Variants in TAF1C observed in about 807,000 individuals in gnomAD.
The protein encoded by TAF1C is TATA-box binding protein associated factor, RNA polymerase I subunit C, also known as TATA box-binding protein-associated factor RNA polymerase I subunit C.
Under a neutral mutation model 70.5 loss-of-function variants are expected in TAF1C, and 79 were observed. The observed-to-expected ratio is 1.12, with a 90% CI of 0.93 to 1.35. TAF1C has a LOEUF of 1.35. Among genes scored for constraint, TAF1C ranks in the 40% most tolerant of loss-of-function variants. TAF1C has a pLI of 0.00. For missense variants in TAF1C, 1,412 were observed against 1,127.8 expected (o/e 1.25, Z -3.61); for synonymous variants, 614 against 491.1 (o/e 1.25, Z -3.31).
chr16:84,186,158 C>T (rs1328576163), intron 1 of TAF1C, among the ~76,000 whole-genome samples: 1 of 152,248 alleles, frequency 6.6e-6, no homozygotes, highest in Non-Finnish European at 1.5e-5. Context: ...GCTGCCACAG[C>T]CAAGACTTGA....
At position 84,182,393 on chromosome 16, in the gene TAF1C, A is replaced by G. The variant is rs1172956070; in HGVS notation, c.530T>C (p.Leu177Pro). The G allele has an allele frequency of 6.2e-7, 1 of 1,606,430 alleles. No homozygotes were observed. ...CGACGTGCCCAGGATGGGGCCCCCG[A>G]GGATAGAGAAGCGGCGCTGTCGGTT... ...LSNRQRRFSILGGPILGTSVA... is the reference protein window; with the variant it reads ...LSNRQRRFSIPGGPILGTSVA... Residue 177 changes from leucine to proline, a missense_variant, in exon 7 of 15, where the codon CTC (leucine) becomes CCC (proline). Physicochemically the swap from Leu to Pro is moderately conservative, Grantham distance 98 (BLOSUM62 -3). Transcript: ENST00000566732. The surrounding 1 kb of genome is among the most constrained non-coding windows in gnomAD (Gnocchi z 5.0).
Position 84,180,046 on chromosome 16 carries a change from G to T in TAF1C, c.1521C>A (p.Pro507=), listed in dbSNP as rs4150168. ...GASVPRLAGP[P]QSLPSRIDSL... is the part of the protein sequence containing the mutation. Reference sequence around the variant, plus strand: ...AGTCGATCCTGGAAGGAAGAGACTGGGGGGGGCCTGCCAGGCGGGGCACCG... The same window carrying T: ...AGTCGATCCTGGAAGGAAGAGACTGTGGGGGGCCTGCCAGGCGGGGCACCG... The change falls in exon 14 of 15, where the codon CCC becomes CCA. Residue 507 remains proline (P), a synonymous_variant. Transcript: ENST00000566732. 12 of 1,607,170 alleles carry T rather than the reference G, an allele frequency of 7.5e-6. No individual in the cohort carries two copies. The South Asian group carries it at 1.0e-4, about 13-fold the overall frequency.
intron 1 of TAF1C, among the ~76,000 whole-genome samples, chr16:84,185,763 G>C (rs2089447093): frequency 6.6e-6 from 1 of 152,186 alleles, no homozygotes; most frequent in Non-Finnish European, 1.5e-5. Flanking sequence ...AGCCGGGCGT[G>C]GTGACGCATG....
rs758442951 is a variant in TAF1C, at chr16:84,182,160, A to C, written c.721+42T>G. 8.8e-6 allele frequency: 14 copies of C among 1,592,514 alleles called. No homozygotes were observed. The highest frequency in any genetic ancestry group is 1.2e-5 in the Non-Finnish European group (14 of 1,167,430). On this transcript the variant is annotated intron_variant, in intron 7 of 14. Coordinates refer to ENST00000566732, the MANE Select transcript of TAF1C (RefSeq NM_001243156.2). This position sits in a 1 kb window ranked among gnomAD's most constrained non-coding sequence, Gnocchi z 5.0. ...ATGCCAAGAGCACCTCCTCTACCAG[A>C]GGCGAGCCCGCTGGAATCTCCTGTC...
rs995688877 is a variant in TAF1C, at chr16:84,184,708, G to A, written c.138+143C>T. The A allele has an allele frequency of 1.8e-5, 19 of 1,080,604 alleles. No homozygotes were observed. The African/African-American group carries it at 3.0e-4, about 17-fold the overall frequency. 66.9% of individuals were successfully genotyped at this position (1,080,604 alleles called of 1,614,324 possible). ...ATGGCAGGGTAGCCCATGTACCCCA[G>A]AGGAGGTGGCAGAGCCTGTGTCTCA... On this transcript the variant is annotated intron_variant, in intron 2 of 14. Transcript: ENST00000566732.
At position 84,181,973 on chromosome 16, in the gene TAF1C, C is replaced by T; in HGVS notation, c.807G>A (p.Arg269=). Residue 269 remains arginine (R), a synonymous_variant, in exon 8 of 15, where the codon CGG becomes CGA. Transcript: ENST00000566732. ...PGRIQLQGPV[R]QVVTCTVQGE... ...CCTGGACGGTGCATGTCACCACTTGCCGGACAGGTCCCTGGAGCTGGATGC... is the reference window on the plus strand; with the variant it reads ...CCTGGACGGTGCATGTCACCACTTGTCGGACAGGTCCCTGGAGCTGGATGC... 6.2e-7 allele frequency: 1 copy of T among 1,613,866 alleles called. No individual in the cohort carries two copies. Among genetic ancestry groups the T allele is most frequent in the African/African-American group, 1.3e-5 (1 of 75,034 alleles).
At position 84,178,014 on chromosome 16, in the gene TAF1C, T is replaced by C. The variant is rs4150185; in HGVS notation, c.*927A>G. On this transcript the variant is annotated 3_prime_UTR_variant, in exon 15 of 15. Coordinates refer to ENST00000566732, the MANE Select transcript of TAF1C (RefSeq NM_001243156.2). ...CTGAAAAAAGACCTTTCTCTTACTA[T>C]GTCATCAGAAACCAGACAGACCCGG... 1,961 of 650,256 alleles carry C rather than the reference T, an allele frequency of 3.0e-3. 32 individuals carry two copies. Among genetic ancestry groups the C allele is most frequent in the African/African-American group, 0.029 (1,627 of 56,062 alleles). The allele number at this position is 650,256 out of a possible 1,614,324, so 40.3% of individuals were successfully genotyped here. A position where few individuals can be genotyped will look rare whatever the true frequency, so the allele number is the denominator to read the frequency against.
At position 84,182,979 on chromosome 16, in the gene TAF1C, T is replaced by C. The variant is rs4150139; in HGVS notation, c.482+97A>G. On this transcript the variant is annotated intron_variant, in intron 6 of 14. Coordinates refer to ENST00000566732, the MANE Select transcript of TAF1C (RefSeq NM_001243156.2). This position sits in a 1 kb window ranked among gnomAD's most constrained non-coding sequence, Gnocchi z 5.0. ...CAGACTGCATGGAGCAGGGGGGAAG[T>C]GGGTATGACGGAAAGCTGTACGTGC... is the stretch of plus-strand genomic sequence containing the variant. 39,981 of 1,229,668 alleles carry C rather than the reference T, an allele frequency of 0.033. 1,267 individuals carry two copies. Among genetic ancestry groups the C allele is most frequent in the African/African-American group, 0.13 (8,710 of 67,690 alleles). 76.2% of individuals were successfully genotyped at this position (1,229,668 alleles called of 1,614,324 possible).
chr16:84,186,712 C>G (rs1206135644), intron 1 of TAF1C, among the ~76,000 whole-genome samples, 189 bp downstream of exon 1: 1 of 152,228 alleles, frequency 6.6e-6, no homozygotes, highest in Admixed American at 6.5e-5. Context: ...GCTGCGGGCT[C>G]TCCAGGACCC....
In TAF1C at chr16:84,180,189, C is replaced by T. The variant is rs1434111138; in HGVS notation, c.1464G>A (p.Leu488=). The T allele has an allele frequency of 6.5e-7, 1 of 1,545,496 alleles. No individual in the cohort carries two copies. The highest frequency in any genetic ancestry group is 1.7e-4 in the Middle Eastern group (1 of 5,772). The change falls in exon 13 of 15, where the codon CTG becomes CTA. Residue 488 remains leucine, a synonymous_variant. Transcript: ENST00000566732. ...PLLLGGQGGQ[L]QLLHLAGEGA... is the part of the protein sequence containing the mutation. ...CCTCACCTGCCAGGTGCAGCAGCTG[C>T]AGCTGCCCACCCTGGCCTCCGAGGA...
Position 84,185,030 on chromosome 16 carries a change from G to T in TAF1C, c.-42C>A, listed in dbSNP as rs199890751. The T allele has an allele frequency of 7.9e-5, 126 of 1,596,048 alleles. 1 individual carries two copies. The East Asian group carries it at 2.8e-3, about 36-fold the overall frequency. ...AAGCACCACACTGGCCACCTCGAGAGACTGGAAGCTGGTAAGGGGCGCCAG... is the reference window on the plus strand; with the variant it reads ...AAGCACCACACTGGCCACCTCGAGATACTGGAAGCTGGTAAGGGGCGCCAG... On this transcript the variant is annotated 5_prime_UTR_variant, in exon 2 of 15. Coordinates refer to ENST00000566732, the MANE Select transcript of TAF1C (RefSeq NM_001243156.2).
chr16:84,182,084 C>T lies in TAF1C; in HGVS notation c.722-26G>A. The T allele has an allele frequency of 6.2e-7, 1 of 1,608,794 alleles. No individual in the cohort carries two copies. The highest frequency in any genetic ancestry group is 8.5e-7 in the Non-Finnish European group (1 of 1,177,398). On this transcript the variant is annotated intron_variant, in intron 7 of 14. Coordinates refer to ENST00000566732, the MANE Select transcript of TAF1C (RefSeq NM_001243156.2). The surrounding 1 kb of genome is among the most constrained non-coding windows in gnomAD (Gnocchi z 5.0). ...CTGGGCCTCTCACTAAGGATCAGTGCACGAGCTATGATCACTGCAAGCCCC... is the reference window on the plus strand; with the variant it reads ...CTGGGCCTCTCACTAAGGATCAGTGTACGAGCTATGATCACTGCAAGCCCC...
In TAF1C at chr16:84,179,340, C is replaced by T. The variant is rs374960656; in HGVS notation, c.2133G>A (p.Gln711=). The change falls in exon 15 of 15, where the codon CAG becomes CAA. Residue 711 remains glutamine (Q), a synonymous_variant. Coordinates refer to ENST00000566732, the MANE Select transcript of TAF1C (RefSeq NM_001243156.2). ...GTCTCCCGGGCTCCGAGGTCCTGCC[C>T]TGCTGCCTCTCCCACCAGGCAGCCC... is the stretch of plus-strand genomic sequence containing the variant. The part of the protein sequence containing the change: ...GRGAAWWERQ[Q]GRTSEPGRQT... 3.2e-4 allele frequency: 519 copies of T among 1,601,286 alleles called. 1 individual carries two copies. The highest frequency in any genetic ancestry group is 4.2e-4 in the Non-Finnish European group (495 of 1,179,284).
At chr16:84,186,849 C>A (rs1383338620) in intron 1 of TAF1C, 52 bp downstream of exon 1, 4 of 152,280 alleles carry the variant, frequency 2.6e-5, no homozygotes, top group African/African-American at 9.6e-5. Flanking sequence ...TCTGCGGGTC[C>A]GCTCCTCGAA....
At position 84,179,041 on chromosome 16, in the gene TAF1C, T is replaced by C. The variant is rs150717903; in HGVS notation, c.2432A>G (p.His811Arg). Residue 811 changes from histidine to arginine, a missense_variant, in exon 15 of 15, where the codon CAC becomes CGC. By Grantham distance (29) the His-to-Arg change is conservative. Coordinates refer to ENST00000566732, the MANE Select transcript of TAF1C (RefSeq NM_001243156.2). ...DTPGCATTPP[H>R]SQASSVRATR... ...GGCCCGGACGCTGGAGGCCTGGGAG[T>C]GGGGAGGTGTGGTGGCACAGCCTGG... The C allele has an allele frequency of 1.5e-4, 235 of 1,609,588 alleles. 2 individuals are homozygous for C. In the African/African-American group the frequency reaches 2.5e-3, roughly 17 times the overall value.
In TAF1C at chr16:84,179,382, T is replaced by G. The variant is rs375469390; in HGVS notation, c.2091A>C (p.Glu697Asp). 20 of 1,599,198 alleles carry G rather than the reference T, an allele frequency of 1.3e-5. No homozygotes were observed. In the African/African-American group the frequency reaches 2.7e-4, roughly 21 times the overall value. The part of the protein sequence containing the change: ...LEDKLSERLG[E>D]AWAGRGAAWW... ...AGGCAGCCCCTCGGCCTGCCCAGGC[T>G]TCCCCCAGGCGCTCACTGAGCTTGT... Residue 697 changes from glutamate to aspartate, a missense_variant, in exon 15 of 15, where the codon GAA (glutamate) becomes GAC (aspartate). Glu to Asp is a conservative substitution (Grantham distance 45, BLOSUM62 2). Transcript: ENST00000566732.
In TAF1C at chr16:84,182,557, T is replaced by C. The variant is rs1465635230; in HGVS notation, c.483-117A>G. On this transcript the variant is annotated intron_variant, in intron 6 of 14. Coordinates refer to ENST00000566732, the MANE Select transcript of TAF1C (RefSeq NM_001243156.2). The surrounding 1 kb of genome is among the most constrained non-coding windows in gnomAD (Gnocchi z 5.0). ...TCTTATTTACCTAGAATTTCTTCCT[T>C]TGGGAGACCACCCCATCCTGTTCCC... 4.1e-6 allele frequency: 4 copies of C among 980,598 alleles called. No homozygotes were observed. Among genetic ancestry groups the C allele is most frequent in the African/African-American group, 1.6e-5 (1 of 61,328 alleles). 60.7% of individuals were successfully genotyped at this position (980,598 alleles called of 1,614,324 possible).
At position 84,179,816 on chromosome 16, in the gene TAF1C, G is replaced by A; in HGVS notation, c.1657C>T (p.Pro553Ser). 2 of 1,609,696 alleles carry A rather than the reference G, an allele frequency of 1.2e-6. No individual in the cohort carries two copies. Among genetic ancestry groups the A allele is most frequent in the Non-Finnish European group, 1.7e-6 (2 of 1,178,140 alleles). Residue 553 changes from proline to serine, a missense_variant, in exon 15 of 15, where the codon CCC (proline) becomes TCC (serine). Physicochemically the swap from Pro to Ser is moderately conservative, Grantham distance 74. Coordinates refer to ENST00000566732, the MANE Select transcript of TAF1C (RefSeq NM_001243156.2). ...TGGAAGAGCACCAGGCCTGGTGTGG[G>A]CGCTGAGGGCAAGGGCGGGACGACG... ...AAVVPPLPSAPTPGLVLFQLS... is the reference protein window; with the variant it reads ...AAVVPPLPSASTPGLVLFQLS...
intron 13 of TAF1C, 34 bp downstream of exon 13, chr16:84,180,136 C>T (rs759376289): frequency 1.3e-6 from 2 of 1,563,904 alleles, no homozygotes; most frequent in Admixed American, 2.0e-5. Context: ...CGCCCCATCT[C>T]CCACACGCCG....
Sources: gnomAD v4.1 joint callset for allele counts (sites outside exome capture counted in the v4.1 genomes callset) on GRCh38, gnomAD v4.1.1 for gene constraint, Gnocchi (gnomAD v3.1) non-coding constraint, MANE v1.5 for transcripts, NCBI Gene and HGNC (gene_info 2026-07-23, HGNC 2026-07-21) for gene names.